Variants in CNTNAP2 observed in about 807,000 individuals in gnomAD.
CNTNAP2 encodes the protein contactin associated protein 2.
In CNTNAP2, 98 loss-of-function variants were observed where a neutral mutation model predicts 155.2. The observed-to-expected ratio is 0.63, with a 90% confidence interval of 0.54 to 0.75. CNTNAP2 has a LOEUF of 0.75. Ranked by LOEUF, CNTNAP2 falls within the 30% of genes least tolerant of loss-of-function variation. CNTNAP2 has a pLI of 0.00. For missense variants in CNTNAP2, 1,727 were observed against 1,688.1 expected (o/e 1.02, Z -0.40); for synonymous variants, 651 against 631.2 (o/e 1.03, Z -0.47).
chr7:147,826,859 A>G (rs1483361728), intron 13 of CNTNAP2, among the ~76,000 whole-genome samples: 2 of 152,140 alleles, frequency 1.3e-5, no homozygotes, highest in East Asian at 3.9e-4. Flanking sequence ...TAACCATCAT[A>G]TGGTCTCATC....
At chr7:146,738,288 C>T (rs896456325) in intron 1 of CNTNAP2, among the ~76,000 whole-genome samples, 3 of 151,770 alleles carry the variant, frequency 2.0e-5, no homozygotes, top group African/African-American at 7.3e-5. Flanking sequence ...TTTTCATATA[C>T]CTGTTGGCTA....
chr7:147,929,743 C>T (rs1349186934), intron 14 of CNTNAP2, among the ~76,000 whole-genome samples: 1 of 152,184 alleles, frequency 6.6e-6, no homozygotes, highest in Admixed American at 6.5e-5. Context: ...ATTGTAACCA[C>T]AAAGAAAATA....
chr7:146,500,704 C>A (rs879897489), intron 1 of CNTNAP2, among the ~76,000 whole-genome samples: 3 of 152,010 alleles, frequency 2.0e-5, no homozygotes, highest in Admixed American at 6.6e-5. Context: ...AATTTCGGTA[C>A]CTTTGATTTA....
chr7:146,818,830 G>T (rs535660783), intron 2 of CNTNAP2, among the ~76,000 whole-genome samples: 172 of 151,964 alleles, frequency 1.1e-3, no homozygotes, highest in Non-Finnish European at 2.0e-3. Context: ...AAGCTAAAAA[G>T]AGATTATTCA....
At chr7:147,634,118 G>A (rs1212291539) in intron 12 of CNTNAP2, among the ~76,000 whole-genome samples, 3 of 152,096 alleles carry the variant, frequency 2.0e-5, no homozygotes, top group Admixed American at 2.0e-4. Flanking sequence ...CTACCCAGAG[G>A]AAAAGAAGTC....
rs66835656 is a variant in CNTNAP2, at chr7:146,947,384, T to TTCTCTC, written c.403-96501_403-96496dup. 3.4e-3 allele frequency among the ~76,000 whole-genome samples: 438 copies of TTCTCTC among 128,370 alleles called. 4 individuals carry two copies. The highest frequency in any genetic ancestry group is 0.012 in the African/African-American group (395 of 32,852). 84.2% of individuals were successfully genotyped at this position (128,370 alleles called of 152,430 possible). A position where few individuals can be genotyped will look rare whatever the true frequency, so the allele number is the denominator to read the frequency against. Reference sequence around the variant, plus strand: ...CACCCCTATCAAGTTCCTTCTCTCTTTCTCTCTCTCTCTCTCTCTCTCTCT... The same window carrying TTCTCTC: ...CACCCCTATCAAGTTCCTTCTCTCTTTCTCTCTCTCTCTCTCTCTCTCTCTCTCTCT... On this transcript the variant is annotated intron_variant, in intron 3 of 23. Coordinates refer to ENST00000361727, the MANE Select transcript of CNTNAP2 (RefSeq NM_014141.6).
At chr7:146,208,530 A>T (rs908305326) in intron 1 of CNTNAP2, 1 of 152,134 alleles carries the variant, frequency 6.6e-6, no homozygotes, top group Non-Finnish European at 1.5e-5. Flanking sequence ...CTGGAAGGAA[A>T]AAAAAAGCAC....
At chr7:146,584,571 A>G (rs1473572461) in intron 1 of CNTNAP2, among the ~76,000 whole-genome samples, 2 of 152,194 alleles carry the variant, frequency 1.3e-5, no homozygotes, top group African/African-American at 4.8e-5. Flanking sequence ...TATGTTGGCT[A>G]GTTACAGAAA....
At chr7:148,061,906 G>GAT (rs1193518934) in intron 15 of CNTNAP2, among the ~76,000 whole-genome samples, 22 of 118,192 alleles carry the variant, frequency 1.9e-4, no homozygotes, top group African/African-American at 6.6e-4. Flanking sequence ...TAGATAGATA[G>GAT]ATAGATAAAC....
At chr7:146,389,709 T>C (rs1795513020) in intron 1 of CNTNAP2, among the ~76,000 whole-genome samples, 3 of 148,600 alleles carry the variant, frequency 2.0e-5, no homozygotes. Context: ...TTTTCTTTTT[T>C]TTTTTTTTTG....
intron 3 of CNTNAP2, among the ~76,000 whole-genome samples, chr7:146,881,686 A>C (rs934214340): frequency 6.6e-6 from 1 of 151,928 alleles, no homozygotes; most frequent in Non-Finnish European, 1.5e-5. Context: ...AATAGCAAAA[A>C]ATATATACAA....
At chr7:146,117,158 A>G (rs1797496080) in intron 1 of CNTNAP2, 185 bp downstream of exon 1, 3 of 607,346 alleles carry the variant, frequency 4.9e-6, no homozygotes, top group South Asian at 3.9e-5. Flanking sequence ...GTTTTGGAAG[A>G]GACAGGGTTG....
At chr7:148,025,682 C>A (rs1358425844) in intron 15 of CNTNAP2, among the ~76,000 whole-genome samples, 1 of 152,166 alleles carries the variant, frequency 6.6e-6, no homozygotes, top group Non-Finnish European at 1.5e-5. Context: ...ATCTCTGTTA[C>A]CATTCTTACA....
At chr7:146,652,604 T>G (rs1203480410) in intron 1 of CNTNAP2, among the ~76,000 whole-genome samples, 3 of 152,140 alleles carry the variant, frequency 2.0e-5, no homozygotes, top group Non-Finnish European at 4.4e-5. Context: ...ATGACTGATG[T>G]ATTCTTAAAG....
At chr7:146,980,703 A>G (rs1797999159) in intron 3 of CNTNAP2, among the ~76,000 whole-genome samples, 1 of 152,140 alleles carries the variant, frequency 6.6e-6, no homozygotes. Context: ...AACCAGATCT[A>G]GCATGAACTG....
intron 20 of CNTNAP2, among the ~76,000 whole-genome samples, chr7:148,236,381 T>C (rs1346348954): frequency 6.6e-6 from 1 of 152,236 alleles, no homozygotes; most frequent in Admixed American, 6.5e-5. Context: ...CAAAGCGGTT[T>C]GCAGTGTTAT....
chr7:148,168,498 TG>T, intron 17 of CNTNAP2, among the ~76,000 whole-genome samples: 1 of 136,372 alleles, frequency 7.3e-6, no homozygotes, highest in Non-Finnish European at 1.5e-5. Context: ...CACTCATAGG[TG>T]GGAATTGAAC....
Position 146,928,733 on chromosome 7 carries a change from T to G in CNTNAP2, c.402+88829T>G, listed in dbSNP as rs576686256. The stretch of plus-strand genomic sequence containing the variant: ...CTGGAAAATCGGGTCACTCCCACCC[T>G]AATACTGTGCTTTTCCGACAGGCTT... On this transcript the variant is annotated intron_variant, in intron 3 of 23. Transcript: ENST00000361727. 1.3e-4 allele frequency among the ~76,000 whole-genome samples: 20 copies of G among 152,294 alleles called. 1 individual carries two copies. In the South Asian group the frequency reaches 3.7e-3, roughly 28 times the overall value.
intron 1 of CNTNAP2, among the ~76,000 whole-genome samples, chr7:146,160,167 A>G (rs1455049026): frequency 6.6e-6 from 1 of 152,200 alleles, no homozygotes; most frequent in Non-Finnish European, 1.5e-5. Flanking sequence ...ACAACATACC[A>G]GAATCTCTGG....
Sources: gnomAD v4.1 joint callset for allele counts (sites outside exome capture counted in the v4.1 genomes callset) on GRCh38, gnomAD v4.1.1 for gene constraint, MANE v1.5 for transcripts, NCBI Gene and HGNC (gene_info 2026-07-23, HGNC 2026-07-21) for gene names.